Variants in WWC2 observed in about 807,000 individuals in gnomAD.
WWC2 encodes the protein WW and C2 domain containing 2.
In WWC2, 101 loss-of-function variants were observed where a neutral mutation model predicts 138.5. The observed-to-expected ratio is 0.73, with a 90% CI of 0.62 to 0.86. The LOEUF is 0.86. WWC2 is among the 40% of genes least tolerant of loss of function. The probability of loss-of-function intolerance (pLI) is 0.00; values close to 1 mark genes in which losing one functional copy is unlikely to be tolerated. For synonymous variants in WWC2, 558 were observed against 538.4 expected (o/e 1.04, Z -0.50); for missense variants, 1,420 against 1,419.4 (o/e 1.00, Z -0.01).
intron 2 of WWC2, among the ~76,000 whole-genome samples, chr4:183,195,290 A>G (rs929700756): frequency 6.6e-6 from 1 of 152,190 alleles, no homozygotes; most frequent in Non-Finnish European, 1.5e-5. Flanking sequence ...TCTTTCCTTA[A>G]AGTAGTATTT....
At chr4:183,133,775 G>A (rs913993696) in intron 1 of WWC2, among the ~76,000 whole-genome samples, 58 of 152,170 alleles carry the variant, frequency 3.8e-4, no homozygotes, top group African/African-American at 1.3e-3. Flanking sequence ...GATTACAGGC[G>A]TGAGCCACCA....
intron 1 of WWC2, among the ~76,000 whole-genome samples, chr4:183,128,961 TA>T (rs1732842153): frequency 6.6e-6 from 1 of 152,230 alleles, no homozygotes; most frequent in Non-Finnish European, 1.5e-5. Flanking sequence ...TGATTTATTA[TA>T]TAAGTACTGT....
chr4:183,152,055 A>G (rs1305466097), intron 1 of WWC2, among the ~76,000 whole-genome samples: 1 of 152,216 alleles, frequency 6.6e-6, no homozygotes, highest in Non-Finnish European at 1.5e-5. Flanking sequence ...GTGGAGAAAC[A>G]TTGCTTGTCT....
chr4:183,149,698 C>T (rs1476378333), intron 1 of WWC2, among the ~76,000 whole-genome samples: 2 of 141,604 alleles, frequency 1.4e-5, no homozygotes, highest in Non-Finnish European at 3.0e-5. Flanking sequence ...CTGATAGAAT[C>T]CCCATTGTGC....
At chr4:183,230,625 C>T (rs545747803) in intron 4 of WWC2, among the ~76,000 whole-genome samples, 3 of 151,936 alleles carry the variant, frequency 2.0e-5, no homozygotes, top group African/African-American at 4.8e-5. Context: ...TGCAGTGAGC[C>T]GAGATTGTGT....
rs536835918 is a variant in WWC2, at chr4:183,217,752, C to G, written c.522+8727C>G. ...ATGAATTACACAGAGAAAACAAAGT[C>G]TGGTAAAAATTTATCAGCATGTCAG... On this transcript the variant is annotated intron_variant, in intron 4 of 22. Transcript: ENST00000403733. Among the ~76,000 whole-genome samples the G allele has an allele frequency of 3.3e-5, 5 of 152,026 alleles. No homozygotes were observed. In the South Asian group the frequency reaches 1.0e-3, roughly 32 times the overall value.
intron 1 of WWC2, among the ~76,000 whole-genome samples, chr4:183,147,986 T>TA (rs957775564): frequency 1.9e-4 from 29 of 151,350 alleles, no homozygotes; most frequent in African/African-American, 2.2e-4. Context: ...TTTGAGTAGT[T>TA]AAAAAAAAAG....
intron 16 of WWC2, among the ~76,000 whole-genome samples, chr4:183,277,667 G>A (rs2111394888): frequency 7.1e-6 from 1 of 140,028 alleles, no homozygotes. Context: ...TTTAATGATT[G>A]CCATTCTAAC....
intron 6 of WWC2, among the ~76,000 whole-genome samples, chr4:183,248,128 G>T (rs72701359): frequency 0.02 from 3,115 of 152,170 alleles, 50 homozygotes; most frequent in Non-Finnish European, 0.029. Flanking sequence ...AGCCAAACAT[G>T]TCACCACAGG....
At chr4:183,142,598 A>G (rs1561433944) in intron 1 of WWC2, among the ~76,000 whole-genome samples, 1 of 152,222 alleles carries the variant, frequency 6.6e-6, no homozygotes, top group Non-Finnish European at 1.5e-5. Flanking sequence ...CCAGTTTTGT[A>G]TTCTTTTAGA....
chr4:183,194,392 C>CT (rs1735072865), intron 2 of WWC2, among the ~76,000 whole-genome samples: 2 of 152,174 alleles, frequency 1.3e-5, no homozygotes, highest in South Asian at 4.2e-4. Flanking sequence ...ATCTAGCACT[C>CT]TATCTACTCC....
chr4:183,268,689 G>A lies in WWC2; in HGVS notation c.2208-282G>A, dbSNP rs72701376. 0.011 allele frequency among the ~76,000 whole-genome samples: 1,732 copies of A among 152,188 alleles called. 35 individuals are homozygous for A. Among genetic ancestry groups the A allele is most frequent in the Non-Finnish European group, 0.013 (860 of 67,996 alleles). Reference sequence around the variant, plus strand: ...GGGACGTTAAATTCGTCTGCCCTACGGATTTTCTTCCTCTTCACTTTCCTA... The same window carrying A: ...GGGACGTTAAATTCGTCTGCCCTACAGATTTTCTTCCTCTTCACTTTCCTA... On this transcript the variant is annotated intron_variant, in intron 14 of 22. Transcript: ENST00000403733.
intron 4 of WWC2, among the ~76,000 whole-genome samples, chr4:183,222,869 G>A (rs890977041): frequency 2.0e-5 from 3 of 152,154 alleles, no homozygotes; most frequent in African/African-American, 4.8e-5. Flanking sequence ...AGGAAGCTGA[G>A]GCACGAGAAT....
intron 1 of WWC2, among the ~76,000 whole-genome samples, chr4:183,139,759 G>A (rs1024118074): frequency 6.6e-6 from 1 of 152,090 alleles, no homozygotes; most frequent in Non-Finnish European, 1.5e-5. Flanking sequence ...CCCTACCCCC[G>A]TCATCTGCCA....
chr4:183,278,785 T>C (rs1737957704), intron 16 of WWC2, among the ~76,000 whole-genome samples: 1 of 151,748 alleles, frequency 6.6e-6, no homozygotes, highest in Non-Finnish European at 1.5e-5. Context: ...TGTTTGTCTG[T>C]TGTTGGTGTA....
chr4:183,306,540 A>G (rs1268381237), intron 21 of WWC2, among the ~76,000 whole-genome samples: 1 of 152,198 alleles, frequency 6.6e-6, no homozygotes, highest in East Asian at 1.9e-4. Context: ...ATAATGAATA[A>G]TAAAGAGATT....
chr4:183,293,723 G>A (rs1298170842), intron 21 of WWC2, among the ~76,000 whole-genome samples: 1 of 152,192 alleles, frequency 6.6e-6, no homozygotes, highest in Non-Finnish European at 1.5e-5. Context: ...TAAATAGTAA[G>A]AGTTTAGCAA....
Position 183,207,994 on chromosome 4 carries a change from GA to G in WWC2, c.285del (p.Glu95AspfsTer26). On this transcript the variant is annotated frameshift_variant, in exon 3 of 23. Coordinates refer to ENST00000403733, the MANE Select transcript of WWC2 (RefSeq NM_024949.6). LOFTEE classifies it high-confidence loss of function. Reference sequence around the variant, plus strand: ...AGATCCAAGAAAACAATGGAGGGGGGAACAGGAGAAGATGCTCAAGGACTAC... The same window carrying G: ...AGATCCAAGAAAACAATGGAGGGGGGACAGGAGAAGATGCTCAAGGACTAC... Reference protein sequence around the residue: ...IEDPRKQWRGEQEKMLKDYLS... With the variant: ...IEDPRKQWRGXQEKMLKDYLS... 6.2e-7 allele frequency: 1 copy of G among 1,613,250 alleles called. No individual in the cohort carries two copies. The highest frequency in any genetic ancestry group is 2.2e-5 in the East Asian group (1 of 44,846).
intron 1 of WWC2, among the ~76,000 whole-genome samples, chr4:183,137,552 G>T (rs1182630289): frequency 6.6e-6 from 1 of 151,654 alleles, no homozygotes; most frequent in Non-Finnish European, 1.5e-5. Flanking sequence ...AGGCTGGAGT[G>T]CAGTGGCACG....
Sources: gnomAD v4.1 joint callset for allele counts (sites outside exome capture counted in the v4.1 genomes callset) on GRCh38, gnomAD v4.1.1 for gene constraint, MANE v1.5 for transcripts, NCBI Gene and HGNC (gene_info 2026-07-23, HGNC 2026-07-21) for gene names.